The following ACAP2 variants were observed in gnomAD, a reference collection of about 807,000 sequenced individuals.
The protein encoded by ACAP2 is ArfGAP with coiled-coil, ankyrin repeat and PH domains 2.
In ACAP2, 39 loss-of-function variants were observed where a neutral mutation model predicts 115.8. The ratio of observed to expected loss-of-function variants is 0.34; its 90% CI spans 0.26 to 0.44. The LOEUF (loss-of-function observed/expected upper bound fraction) is 0.44, where lower values mean the gene tolerates loss of function less well. Ranked by LOEUF, ACAP2 falls within the 20% of genes least tolerant of loss-of-function variation. The probability of loss-of-function intolerance (pLI) is 1.00; values close to 1 mark genes in which losing one functional copy is unlikely to be tolerated. For missense variants in ACAP2, 662 were observed against 927.6 expected (o/e 0.71, Z 3.72); for synonymous variants, 289 against 315.8 (o/e 0.92, Z 0.90).
At chr3:195,411,280 T>G (rs1480300461) in intron 1 of ACAP2, among the ~76,000 whole-genome samples, 1 of 152,170 alleles carries the variant, frequency 6.6e-6, no homozygotes, top group East Asian at 1.9e-4. Flanking sequence ...CACTTCTGAG[T>G]ATATACTCAA....
At chr3:195,383,214 T>C (rs1467647491) in intron 2 of ACAP2, among the ~76,000 whole-genome samples, 1 of 152,068 alleles carries the variant, frequency 6.6e-6, no homozygotes, top group Non-Finnish European at 1.5e-5. Context: ...GTAACCACTA[T>C]GCAAGAAGAG....
At chr3:195,305,888 C>T (rs1038401649) in intron 13 of ACAP2, among the ~76,000 whole-genome samples, 7 of 152,044 alleles carry the variant, frequency 4.6e-5, no homozygotes, top group East Asian at 1.9e-4. Flanking sequence ...AAGTTGGCCA[C>T]GGTAAGTTTT....
intron 19 of ACAP2, 88 bp downstream of exon 19, chr3:195,292,177 A>C (rs1455328853): frequency 1.4e-6 from 2 of 1,426,400 alleles, no homozygotes; most frequent in Non-Finnish European, 1.9e-6. Context: ...TCTTGAAGCA[A>C]AGACAATACT....
At chr3:195,314,936 C>T (rs1728991220) in intron 10 of ACAP2, among the ~76,000 whole-genome samples, 1 of 152,172 alleles carries the variant, frequency 6.6e-6, no homozygotes. Context: ...TAAAAGATTA[C>T]TCTTCTTTCC....
chr3:195,297,163 A>AG (rs771368255), intron 16 of ACAP2, 27 bp downstream of exon 16: 1 of 1,576,616 alleles, frequency 6.3e-7, no homozygotes, highest in Admixed American at 1.7e-5. Flanking sequence ...ATTCCTAATT[A>AG]GGGGGAAAAA....
In ACAP2 at chr3:195,357,375, G is replaced by A. The variant is rs113515695; in HGVS notation, c.286-12058C>T. Among the ~76,000 whole-genome samples the A allele has an allele frequency of 3.9e-3, 600 of 152,200 alleles. 3 individuals are homozygous for A. The highest frequency in any genetic ancestry group is 0.012 in the African/African-American group (493 of 41,526). On this transcript the variant is annotated intron_variant, in intron 4 of 22. Transcript: ENST00000326793. ...ACTTCCAGGCACTCTGAACCTGTCC[G>A]GAGCCTGGAGCCCAGAGGAATTCAC...
chr3:195,301,234 C>T (rs1414198777), intron 15 of ACAP2, among the ~76,000 whole-genome samples: 3 of 152,012 alleles, frequency 2.0e-5, no homozygotes, highest in East Asian at 1.9e-4. Flanking sequence ...TACAGGCACC[C>T]GCCACCACGC....
At chr3:195,286,847 G>A (rs181562630) in intron 21 of ACAP2, among the ~76,000 whole-genome samples, 16 of 152,186 alleles carry the variant, frequency 1.1e-4, no homozygotes, top group African/African-American at 3.4e-4. Context: ...CTGCTATATA[G>A]GTATTGCCTG....
At position 195,429,037 on chromosome 3, in the gene ACAP2, G is replaced by A. The variant is rs116697006; in HGVS notation, c.53+13758C>T. 1.7e-3 allele frequency among the ~76,000 whole-genome samples: 266 copies of A among 152,176 alleles called. 1 individual carries two copies. The highest frequency in any genetic ancestry group is 5.0e-3 in the African/African-American group (207 of 41,522). Reference sequence around the variant, plus strand: ...ATGGAAGCAATCTATCCATCATCAGGAGAATGAATACATTATGGTACATTC... The same window carrying A: ...ATGGAAGCAATCTATCCATCATCAGAAGAATGAATACATTATGGTACATTC... On this transcript the variant is annotated intron_variant, in intron 1 of 22. Transcript: ENST00000326793.
intron 20 of ACAP2, among the ~76,000 whole-genome samples, chr3:195,290,518 T>C (rs903168259): frequency 2.6e-5 from 4 of 152,010 alleles, no homozygotes; most frequent in African/African-American, 7.2e-5. Flanking sequence ...ATGATAAAAA[T>C]AGCCAGACAT....
chr3:195,432,702 C>T (rs1214365358), intron 1 of ACAP2, among the ~76,000 whole-genome samples: 1 of 152,138 alleles, frequency 6.6e-6, no homozygotes, highest in Non-Finnish European at 1.5e-5. Context: ...TTAGGATCAG[C>T]TTGACAATTT....
chr3:195,356,111 GTCT>G (rs368360477), intron 4 of ACAP2: 18 of 456,712 alleles, frequency 3.9e-5, no homozygotes, highest in African/African-American at 3.6e-4. Context: ...AGAAAAGACA[GTCT>G]TGAATTGCTG....
chr3:195,348,232 A>G (rs1226426360), intron 4 of ACAP2, among the ~76,000 whole-genome samples: 1 of 152,126 alleles, frequency 6.6e-6, no homozygotes, highest in Admixed American at 6.5e-5. Context: ...ATGGATGTCA[A>G]CTGTAAAGCT....
At chr3:195,291,679 C>A (rs747578915) in intron 20 of ACAP2, 27 bp downstream of exon 20, 5 of 1,550,444 alleles carry the variant, frequency 3.2e-6, no homozygotes, top group Non-Finnish European at 4.4e-6. Context: ...AATAAAGTCT[C>A]CTTAAATATG....
chr3:195,406,821 T>C (rs1007336673), intron 1 of ACAP2, among the ~76,000 whole-genome samples: 1 of 152,218 alleles, frequency 6.6e-6, no homozygotes, highest in Non-Finnish European at 1.5e-5. Flanking sequence ...CTCGTAAGTA[T>C]ACACTTCCAA....
chr3:195,353,709 T>C (rs1731763493), intron 4 of ACAP2, among the ~76,000 whole-genome samples: 2 of 150,864 alleles, frequency 1.3e-5, no homozygotes, highest in African/African-American at 4.9e-5. Flanking sequence ...ATCTCAAAAG[T>C]TATCAAATTG....
chr3:195,370,047 T>C (rs1227698458), intron 4 of ACAP2, among the ~76,000 whole-genome samples: 2 of 152,226 alleles, frequency 1.3e-5, no homozygotes, highest in African/African-American at 4.8e-5. Flanking sequence ...CTTGGCTGTG[T>C]ATGTCTTCTT....
chr3:195,384,019 T>C (rs1003646902), intron 2 of ACAP2, among the ~76,000 whole-genome samples: 5 of 152,214 alleles, frequency 3.3e-5, no homozygotes, highest in East Asian at 3.8e-4. Flanking sequence ...TCACGCATTG[T>C]TGGTAGGAGT....
In ACAP2 at chr3:195,381,051, G is replaced by C; in HGVS notation, c.243C>G (p.Thr81=). ...SNDAVVETSL[T]KFSDSLQEMI... ...TTTCTTGAAGACTGTCAGAAAACTT[G>C]GTCAAACTTGTCTATGAGAAAAAAA... Residue 81 remains threonine, a synonymous_variant, in exon 4 of 23, where the codon ACC becomes ACG. Transcript: ENST00000326793. 1 of 1,599,754 alleles carries C rather than the reference G, an allele frequency of 6.3e-7. No individual in the cohort carries two copies. Among genetic ancestry groups the C allele is most frequent in the Non-Finnish European group, 8.5e-7 (1 of 1,176,592 alleles).
Sources: allele counts gnomAD v4.1 joint callset (sites outside exome capture counted in the v4.1 genomes callset), GRCh38; gene constraint gnomAD v4.1.1; transcripts MANE v1.5; gene names NCBI Gene and HGNC (gene_info 2026-07-23, HGNC 2026-07-21).